MICU2: variants seen among roughly 807,000 people sequenced by gnomAD.
MICU2 encodes mitochondrial calcium uptake 2.
MICU2 carries 64 observed loss-of-function variants against 60.4 expected under a neutral mutation model. That is an observed-to-expected ratio of 1.06 (90% CI 0.87 to 1.31). The LOEUF (loss-of-function observed/expected upper bound fraction) is 1.31. MICU2 is among the 50% of genes most tolerant of loss of function. The pLI is 0.00. For synonymous variants in MICU2, 201 were observed against 175.0 expected (o/e 1.15, Z -1.17); for missense variants, 569 against 531.0 (o/e 1.07, Z -0.70).
At chr13:21,587,337 T>C (rs544417677) in intron 1 of MICU2, among the ~76,000 whole-genome samples, 1 of 152,226 alleles carries the variant, frequency 6.6e-6, no homozygotes, top group African/African-American at 2.4e-5. Flanking sequence ...TATAAAGTAC[T>C]TATTAAATTT....
At chr13:21,584,182 G>T (rs1031809921) in intron 1 of MICU2, among the ~76,000 whole-genome samples, 1 of 152,154 alleles carries the variant, frequency 6.6e-6, no homozygotes, top group African/African-American at 2.4e-5. Context: ...GAGGTCAGGA[G>T]ATCGAGACCA....
chr13:21,565,343 C>CA (rs1267209930), intron 2 of MICU2, among the ~76,000 whole-genome samples: 12 of 151,932 alleles, frequency 7.9e-5, no homozygotes, highest in Admixed American at 2.0e-4. Flanking sequence ...GCCTGGCCAA[C>CA]ATGGTGAAAC....
At chr13:21,549,120 G>A (rs56405037) in intron 2 of MICU2, among the ~76,000 whole-genome samples, 3,274 of 151,442 alleles carry the variant, frequency 0.022, 62 homozygotes, top group Non-Finnish European at 0.025. Context: ...TAGTAGAGAC[G>A]GGGTTTCACC....
intron 1 of MICU2, among the ~76,000 whole-genome samples, chr13:21,593,938 A>G (rs924906737): frequency 5.3e-5 from 8 of 152,168 alleles, no homozygotes; most frequent in African/African-American, 1.9e-4. Context: ...CTAATAGAAA[A>G]CCTAGGCAAT....
At chr13:21,537,133 T>C (rs1019569528) in intron 4 of MICU2, among the ~76,000 whole-genome samples, 3 of 152,208 alleles carry the variant, frequency 2.0e-5, no homozygotes, top group Non-Finnish European at 4.4e-5. Flanking sequence ...ACTTTCTTTT[T>C]AAATTTTTCT....
chr13:21,501,622 A>T (rs566495453), intron 9 of MICU2, among the ~76,000 whole-genome samples: 1 of 152,270 alleles, frequency 6.6e-6, no homozygotes, highest in Non-Finnish European at 1.5e-5. Flanking sequence ...ACGAGTATTC[A>T]CCAGTATCTG....
At chr13:21,514,863 T>C (rs1012889714) in intron 6 of MICU2, among the ~76,000 whole-genome samples, 4 of 152,062 alleles carry the variant, frequency 2.6e-5, no homozygotes, top group African/African-American at 9.7e-5. Flanking sequence ...ACTCCTATTA[T>C]CTTTTTCTCT....
At chr13:21,510,981 A>G (rs541220074) in intron 7 of MICU2, among the ~76,000 whole-genome samples, 1 of 152,284 alleles carries the variant, frequency 6.6e-6, no homozygotes, top group South Asian at 2.1e-4. Context: ...GTGGGACTTG[A>G]GCACAGTGAA....
At chr13:21,592,242 G>A (rs76111204) in intron 1 of MICU2, among the ~76,000 whole-genome samples, 12 of 152,058 alleles carry the variant, frequency 7.9e-5, no homozygotes, top group Admixed American at 1.3e-4. Flanking sequence ...ACACCTCTAC[G>A]CAAATAAACT....
intron 1 of MICU2, among the ~76,000 whole-genome samples, chr13:21,585,636 C>G (rs1422634396): frequency 6.6e-6 from 1 of 152,132 alleles, no homozygotes; most frequent in African/African-American, 2.4e-5. Context: ...GCTCTTATAG[C>G]AAATTCAAAT....
Position 21,503,040 on chromosome 13 carries a change from T to C in MICU2, c.819A>G (p.Lys273=). The change falls in exon 9 of 12, where the codon AAA becomes AAG. Residue 273 remains lysine, a synonymous_variant. Coordinates refer to ENST00000382374, the MANE Select transcript of MICU2 (RefSeq NM_152726.3). ...CTTCTTTTCTCATGAAACTCAAACC[T>C]TTAGAAAACTGAAGGAATTCCATTT... ...IQEMEFLQFS[K]GLSFMRKEDF... 1 of 1,607,660 alleles carries C rather than the reference T, an allele frequency of 6.2e-7. No homozygotes were observed. The highest frequency in any genetic ancestry group is 8.5e-7 in the Non-Finnish European group (1 of 1,177,972).
At position 21,571,150 on chromosome 13, in the gene MICU2, G is replaced by C. The variant is rs146154603; in HGVS notation, c.211-4206C>G. Among the ~76,000 whole-genome samples, 899 of 151,718 alleles carry C rather than the reference G, an allele frequency of 5.9e-3. 13 individuals are homozygous for C. The highest frequency in any genetic ancestry group is 0.02 in the African/African-American group (808 of 41,306). On this transcript the variant is annotated intron_variant, in intron 1 of 11. Coordinates refer to ENST00000382374, the MANE Select transcript of MICU2 (RefSeq NM_152726.3). ...TTCCCTGAACTAACCATGTTGCTTC[G>C]GGTACTCATTTACTTTAATCTCTGT...
intron 1 of MICU2, among the ~76,000 whole-genome samples, chr13:21,594,861 C>T (rs532700306): frequency 6.6e-6 from 1 of 152,040 alleles, no homozygotes; most frequent in Non-Finnish European, 1.5e-5. Context: ...GGGAACAACA[C>T]ACACCCGGGC....
At chr13:21,531,084 C>T in intron 4 of MICU2, 1 of 1,011,772 alleles carries the variant, frequency 9.9e-7, no homozygotes, top group Non-Finnish European at 1.6e-6. Context: ...AAGTCAATTA[C>T]TTGATTTACA....
intron 1 of MICU2, among the ~76,000 whole-genome samples, chr13:21,586,074 T>C (rs1245160145): frequency 6.6e-6 from 1 of 152,192 alleles, no homozygotes; most frequent in African/African-American, 2.4e-5. Flanking sequence ...CATTAGAAGT[T>C]TGTGGCAATT....
At chr13:21,599,147 TC>T (rs1419771069) in intron 1 of MICU2, among the ~76,000 whole-genome samples, 2 of 152,192 alleles carry the variant, frequency 1.3e-5, no homozygotes, top group African/African-American at 2.4e-5. Context: ...GAAACTGTCT[TC>T]CATGAAACTA....
chr13:21,601,060 T>G (rs555362960), intron 1 of MICU2, among the ~76,000 whole-genome samples: 1 of 152,186 alleles, frequency 6.6e-6, no homozygotes, highest in African/African-American at 2.4e-5. Context: ...CCTCCCAAAG[T>G]GCTGGGATTA....
chr13:21,562,800 C>T (rs551241263), intron 2 of MICU2, among the ~76,000 whole-genome samples: 2 of 152,054 alleles, frequency 1.3e-5, no homozygotes, highest in African/African-American at 2.4e-5. Flanking sequence ...TTTTTAAAAA[C>T]GTGATTTTAT....
At chr13:21,574,265 T>C (rs1289290467) in intron 1 of MICU2, among the ~76,000 whole-genome samples, 2 of 152,182 alleles carry the variant, frequency 1.3e-5, no homozygotes, top group African/African-American at 2.4e-5. Flanking sequence ...TTCTCAAACC[T>C]GCATCTACTA....
Sources: allele counts gnomAD v4.1 joint callset (sites outside exome capture counted in the v4.1 genomes callset), GRCh38; gene constraint gnomAD v4.1.1; transcripts MANE v1.5; gene names NCBI Gene and HGNC (gene_info 2026-07-23, HGNC 2026-07-21).